Variants in PRKN observed in about 807,000 individuals in gnomAD.
The protein encoded by PRKN is parkin RBR E3 ubiquitin protein ligase, also known as E3 ubiquitin-protein ligase parkin.
PRKN carries 56 observed loss-of-function variants against 59.5 expected under a neutral mutation model. That is an observed-to-expected ratio of 0.94 (90% CI 0.76 to 1.18). The LOEUF (loss-of-function observed/expected upper bound fraction) is 1.18. PRKN is among the 50% of genes most tolerant of loss of function. The pLI, the probability that PRKN is intolerant of heterozygous loss-of-function variation, is 0.00. For synonymous variants in PRKN, 250 were observed against 222.1 expected (o/e 1.13, Z -1.12); for missense variants, 657 against 596.4 (o/e 1.10, Z -1.06).
chr6:161,897,316 TCTC>T (rs1255175189), intron 6 of PRKN, among the ~76,000 whole-genome samples: 3 of 152,196 alleles, frequency 2.0e-5, no homozygotes, highest in African/African-American at 7.2e-5. Flanking sequence ...ATGCTTCTTC[TCTC>T]CTATCATCCC....
chr6:161,873,994 TATA>T lies in PRKN; in HGVS notation c.735-88089_735-88087del, dbSNP rs1298322285. On this transcript the variant is annotated intron_variant, in intron 6 of 11. Coordinates refer to ENST00000366898, the MANE Select transcript of PRKN (RefSeq NM_004562.3). ...TAATATATAAAATATATATGTAAAATATAATATATAAAATATATATTATATGTA... is the reference window on the plus strand; with the variant it reads ...TAATATATAAAATATATATGTAAAATATATATAAAATATATATTATATGTA... Among the ~76,000 whole-genome samples the T allele has an allele frequency of 1.7e-3, 140 of 80,108 alleles. 26 individuals carry two copies. The highest frequency in any genetic ancestry group is 6.4e-3 in the African/African-American group (129 of 20,250). 52.6% of individuals were successfully genotyped at this position (80,108 alleles called of 152,430 possible).
At chr6:162,467,226 T>C (rs906477671) in intron 1 of PRKN, among the ~76,000 whole-genome samples, 1 of 152,132 alleles carries the variant, frequency 6.6e-6, no homozygotes, top group East Asian at 1.9e-4. Flanking sequence ...TCAAACACAA[T>C]TCATCATGAA....
At chr6:161,708,065 T>G (rs993636598) in intron 7 of PRKN, among the ~76,000 whole-genome samples, 8 of 152,214 alleles carry the variant, frequency 5.3e-5, no homozygotes, top group African/African-American at 1.9e-4. Context: ...GAATCATACC[T>G]AGCATCTGGA....
chr6:162,153,573 G>A (rs370329979), intron 4 of PRKN, among the ~76,000 whole-genome samples: 11 of 152,272 alleles, frequency 7.2e-5, no homozygotes, highest in African/African-American at 2.6e-4. Flanking sequence ...GCACTTGTTG[G>A]GTCCTGAATT....
At chr6:162,214,476 A>G (rs1777550650) in intron 3 of PRKN, among the ~76,000 whole-genome samples, 1 of 152,158 alleles carries the variant, frequency 6.6e-6, no homozygotes, top group South Asian at 2.1e-4. Context: ...TAAGGAATTC[A>G]TTTTTAAATC....
rs114270278 is a variant in PRKN, at chr6:161,533,580, C to T, written c.1083+15274G>A. Among the ~76,000 whole-genome samples the T allele has an allele frequency of 0.071, 10,848 of 152,104 alleles. 518 individuals are homozygous for T. Among genetic ancestry groups the T allele is most frequent in the African/African-American group, 0.13 (5,417 of 41,452 alleles). The stretch of plus-strand genomic sequence containing the variant: ...TTTGCATAATAAGATTAGGGTGGGG[C>T]GACCAGCCTTCTTCGCGTGCTAAGT... On this transcript the variant is annotated intron_variant, in intron 9 of 11. Coordinates refer to ENST00000366898, the MANE Select transcript of PRKN (RefSeq NM_004562.3). This position sits in a 1 kb window ranked among gnomAD's most constrained non-coding sequence, Gnocchi z 4.1.
In PRKN at chr6:161,444,654, C is replaced by G. The variant is rs118095320; in HGVS notation, c.1084-57777G>C. On this transcript the variant is annotated intron_variant, in intron 9 of 11. Transcript: ENST00000366898. This position sits in a 1 kb window ranked among gnomAD's most constrained non-coding sequence, Gnocchi z 5.6. ...GGCTAATTCACTGTGCTCAGCCTGT[C>G]TGCGGGTAGCGAGGGCTCCTGAGTA... Among the ~76,000 whole-genome samples, 79 of 152,352 alleles carry G rather than the reference C, an allele frequency of 5.2e-4. 1 individual carries two copies. The highest frequency in any genetic ancestry group is 8.5e-4 in the Admixed American group (13 of 15,304).
At chr6:162,075,502 G>A (rs113966638) in intron 4 of PRKN, among the ~76,000 whole-genome samples, 54 of 151,918 alleles carry the variant, frequency 3.6e-4, no homozygotes, top group Admixed American at 1.7e-3. Context: ...AAATCACATC[G>A]GATTATGGTT....
Position 162,011,115 on chromosome 6 carries a change from A to ACTATATT in PRKN, c.619-37699_619-37698insAATATAG, listed in dbSNP as rs1562458088. On this transcript the variant is annotated intron_variant, in intron 5 of 11. Transcript: ENST00000366898. ...AATATATAATATATTTATAATATAT[A>ACTATATT]ATATATTTATAATATATAATTATAA... is the stretch of plus-strand genomic sequence containing the variant. 1.4e-3 allele frequency among the ~76,000 whole-genome samples: 4 copies of ACTATATT among 2,786 alleles called. 1 individual carries two copies. The highest frequency in any genetic ancestry group is 5.4e-3 in the African/African-American group (4 of 746). 1.8% of individuals were successfully genotyped at this position (2,786 alleles called of 152,430 possible). A position where few individuals can be genotyped will look rare whatever the true frequency, so the allele number is the denominator to read the frequency against.
chr6:162,611,240 T>C (rs752496299), intron 1 of PRKN, among the ~76,000 whole-genome samples: 4 of 152,206 alleles, frequency 2.6e-5, no homozygotes, highest in Admixed American at 1.3e-4. Context: ...AGCCTTGTTC[T>C]CTTCAATGTA....
intron 7 of PRKN, among the ~76,000 whole-genome samples, chr6:161,710,864 T>TTCCC (rs1786715165): frequency 1.9e-5 from 1 of 51,658 alleles, no homozygotes; most frequent in South Asian, 9.4e-4. Flanking sequence ...TTCCCTTCCC[T>TTCCC]TTCCTTCCTT....
intron 4 of PRKN, among the ~76,000 whole-genome samples, chr6:162,091,514 T>G (rs1355832268): frequency 6.6e-6 from 1 of 152,206 alleles, no homozygotes; most frequent in Non-Finnish European, 1.5e-5. Context: ...TGCAGGGACC[T>G]ACGACCTACT....
intron 1 of PRKN, among the ~76,000 whole-genome samples, chr6:162,523,945 A>C (rs1272045587): frequency 6.6e-6 from 1 of 152,162 alleles, no homozygotes; most frequent in African/African-American, 2.4e-5. Context: ...AGTGTGAATA[A>C]GCACAACGGC....
chr6:161,562,419 C>T lies in PRKN; in HGVS notation c.933+6936G>A, dbSNP rs1391844761. ...TTGGTTGCTGCTCTTTACCCAATTT[C>T]CAAACACTGGTGTTCCTTACGGTTC... On this transcript the variant is annotated intron_variant, in intron 8 of 11. Coordinates refer to ENST00000366898, the MANE Select transcript of PRKN (RefSeq NM_004562.3). The surrounding 1 kb of genome is among the most constrained non-coding windows in gnomAD (Gnocchi z 4.3). Among the ~76,000 whole-genome samples the T allele has an allele frequency of 6.6e-6, 1 of 152,228 alleles. No homozygotes were observed. Among genetic ancestry groups the T allele is most frequent in the Non-Finnish European group, 1.5e-5 (1 of 68,040 alleles).
chr6:162,157,396 C>T (rs1184036983), intron 4 of PRKN, among the ~76,000 whole-genome samples: 1 of 151,802 alleles, frequency 6.6e-6, no homozygotes, highest in Non-Finnish European at 1.5e-5. Context: ...ACTTCCTCAT[C>T]AAGGTTACTA....
intron 5 of PRKN, among the ~76,000 whole-genome samples, chr6:162,037,908 A>G (rs545570573): frequency 6.6e-6 from 1 of 151,542 alleles, no homozygotes; most frequent in South Asian, 2.1e-4. Flanking sequence ...TTATGTTTTT[A>G]TAATCAGAAA....
intron 4 of PRKN, among the ~76,000 whole-genome samples, chr6:162,148,012 C>T (rs1486749039): frequency 6.6e-5 from 10 of 152,082 alleles, no homozygotes; most frequent in Non-Finnish European, 1.0e-4. Flanking sequence ...AGCCCCAAGT[C>T]GACAACCAGC....
At chr6:162,503,648 C>G (rs1793477992) in intron 1 of PRKN, among the ~76,000 whole-genome samples, 1 of 152,058 alleles carries the variant, frequency 6.6e-6, no homozygotes, top group African/African-American at 2.4e-5. Flanking sequence ...AATATAAAAG[C>G]CTTTTAACCT....
intron 1 of PRKN, among the ~76,000 whole-genome samples, chr6:162,526,285 A>C (rs1778280475): frequency 6.7e-6 from 1 of 149,180 alleles, no homozygotes; most frequent in African/African-American, 2.5e-5. Context: ...AAAAAAAACA[A>C]CTACTACAAA....
Sources: allele counts gnomAD v4.1 joint callset (sites outside exome capture counted in the v4.1 genomes callset), GRCh38; gene constraint gnomAD v4.1.1; non-coding constraint Gnocchi (gnomAD v3.1); transcripts MANE v1.5; gene names NCBI Gene and HGNC (gene_info 2026-07-23, HGNC 2026-07-21).